The following KRABD5 variants were observed in gnomAD, a reference collection of about 807,000 sequenced individuals.
The protein encoded by KRABD5 is KRAB domain containing 5.
the KRABD5 span, chr16:31,755,640 G>A: frequency 2.1e-6 from 1 of 484,158 alleles, no homozygotes; most frequent in Non-Finnish European, 4.2e-6. Context: ...CCCTACAAAT[G>A]TAAAGAATGT....
chr16:31,723,190 A>AGG, the KRABD5 span: 1 of 1,507,798 alleles, frequency 6.6e-7, no homozygotes, highest in Non-Finnish European at 9.0e-7. Context: ...CTCTTTACTG[A>AGG]GTATCCTACT....
the KRABD5 span, among the ~76,000 whole-genome samples, chr16:31,745,908 A>G: frequency 6.6e-6 from 1 of 151,756 alleles, no homozygotes; most frequent in Non-Finnish European, 1.5e-5. Flanking sequence ...TTGTTGGTTT[A>G]AAGTCTATTT....
chr16:31,722,481 T>G, the KRABD5 span: 1 of 873,736 alleles, frequency 1.1e-6, no homozygotes, highest in Non-Finnish European at 1.7e-6. Context: ...AAAATATTAT[T>G]GTGTTTAAAA....
At chr16:31,717,565 C>G in the KRABD5 span, among the ~76,000 whole-genome samples, 1 of 152,158 alleles carries the variant, frequency 6.6e-6, no homozygotes, top group Non-Finnish European at 1.5e-5. Flanking sequence ...ACAAATGGTG[C>G]TGTCAGGTCT....
chr16:31,725,502 A>G, the KRABD5 span, among the ~76,000 whole-genome samples: 2 of 152,354 alleles, frequency 1.3e-5, no homozygotes, highest in South Asian at 2.1e-4. Context: ...AGGAGCCTCT[A>G]TGCTTTTTCC....
the KRABD5 span, among the ~76,000 whole-genome samples, chr16:31,733,094 C>G: frequency 1.3e-5 from 2 of 152,100 alleles, no homozygotes; most frequent in South Asian, 2.1e-4. Context: ...ATTTTCAACT[C>G]TGTACACTTT....
At chr16:31,718,768 C>T in the KRABD5 span, among the ~76,000 whole-genome samples, 1 of 152,204 alleles carries the variant, frequency 6.6e-6, no homozygotes, top group Non-Finnish European at 1.5e-5. Flanking sequence ...GCCTGAGTCT[C>T]TCCTGCCCAA....
At chr16:31,725,159 G>A in the KRABD5 span, among the ~76,000 whole-genome samples, 5 of 151,088 alleles carry the variant, frequency 3.3e-5, no homozygotes, top group Non-Finnish European at 7.4e-5. Context: ...TTTGTTGCCC[G>A]GGCTGGAGTG....
At chr16:31,759,299 CA>C in the KRABD5 span, 1 of 1,513,592 alleles carries the variant, frequency 6.6e-7, no homozygotes, top group South Asian at 1.2e-5. Context: ...TAAACCTGCT[CA>C]ATGAGAGAAA....
chr16:31,755,496 C>T, the KRABD5 span: 2 of 461,078 alleles, frequency 4.3e-6, no homozygotes, highest in East Asian at 1.4e-4. Context: ...AAATCTTTCT[C>T]TCATTCCTCA....
At chr16:31,735,890 T>C in the KRABD5 span, among the ~76,000 whole-genome samples, 1 of 152,250 alleles carries the variant, frequency 6.6e-6, no homozygotes, top group Non-Finnish European at 1.5e-5. Context: ...GTTATTTCAT[T>C]TCATATGCAA....
At chr16:31,757,002 C>T in the KRABD5 span, 4 of 152,190 alleles carry the variant, frequency 2.6e-5, no homozygotes, top group East Asian at 7.7e-4. Flanking sequence ...TCATTGCACA[C>T]TGAATTTTTC....
the KRABD5 span, among the ~76,000 whole-genome samples, chr16:31,716,357 A>G: frequency 6.6e-6 from 1 of 152,150 alleles, no homozygotes; most frequent in African/African-American, 2.4e-5. Flanking sequence ...GAGAGTTCTT[A>G]GTAGCACCTT....
At chr16:31,716,208 C>T in the KRABD5 span, among the ~76,000 whole-genome samples, 1 of 152,208 alleles carries the variant, frequency 6.6e-6, no homozygotes, top group African/African-American at 2.4e-5. Flanking sequence ...GTCCCTCCAT[C>T]AACCTAGGCT....
the KRABD5 span, chr16:31,755,348 C>G: frequency 2.8e-5 from 14 of 504,898 alleles, no homozygotes; most frequent in Non-Finnish European, 5.3e-5. Context: ...ACGCCTTACT[C>G]AACATCAAAG....
At chr16:31,746,083 G>C in the KRABD5 span, among the ~76,000 whole-genome samples, 4 of 152,020 alleles carry the variant, frequency 2.6e-5, no homozygotes, top group Non-Finnish European at 5.9e-5. Flanking sequence ...TTGCAAGTCT[G>C]TGTCTTTTAA....
the KRABD5 span, chr16:31,754,292 C>T: frequency 6.9e-5 from 43 of 622,676 alleles, no homozygotes; most frequent in South Asian, 1.9e-5. Context: ...AATAACACCT[C>T]GTTCTGCCTG....
At chr16:31,732,852 T>A in the KRABD5 span, among the ~76,000 whole-genome samples, 3 of 152,172 alleles carry the variant, frequency 2.0e-5, no homozygotes, top group African/African-American at 7.2e-5. Context: ...TTGAATGGCA[T>A]TGATTCAAAA....
the KRABD5 span, among the ~76,000 whole-genome samples, chr16:31,727,303 A>G: frequency 6.6e-6 from 1 of 152,200 alleles, no homozygotes; most frequent in Non-Finnish European, 1.5e-5. Flanking sequence ...GTTGCAGGGC[A>G]GGTGAGCCCC....
Sources: allele counts gnomAD v4.1 joint callset (sites outside exome capture counted in the v4.1 genomes callset), GRCh38; gene constraint gnomAD v4.1.1; transcripts MANE v1.5; gene names NCBI Gene and HGNC (gene_info 2026-07-23, HGNC 2026-07-21).